OSBPL8: variants seen among roughly 807,000 people sequenced by gnomAD.
OSBPL8 encodes the protein oxysterol binding protein like 8.
OSBPL8 carries 59 observed loss-of-function variants against 125.5 expected under a neutral mutation model. The observed-to-expected ratio is 0.47, with a 90% CI of 0.38 to 0.58. The LOEUF (loss-of-function observed/expected upper bound fraction) is 0.58. Ranked by LOEUF, OSBPL8 falls within the 20% of genes least tolerant of loss-of-function variation. OSBPL8 has a pLI of 0.00. For synonymous variants in OSBPL8, 330 were observed against 338.9 expected (o/e 0.97, Z 0.29); for missense variants, 758 against 1,047.8 (o/e 0.72, Z 3.82).
At position 76,356,034 on chromosome 12, in the gene OSBPL8, G is replaced by A. The variant is rs534410778; in HGVS notation, c.2538-13C>T. The A allele has an allele frequency of 1.2e-6, 2 of 1,600,838 alleles. No individual in the cohort carries two copies. The highest frequency in any genetic ancestry group is 2.7e-5 in the African/African-American group (2 of 74,078). On this transcript the variant is annotated splice_polypyrimidine_tract_variant and intron_variant, in intron 23 of 23. Transcript: ENST00000261183. ...AGCCATAATATTTCTATAAAAATAA[G>A]CAACAACAAATTTTGTAATGATTTG... is the stretch of plus-strand genomic sequence containing the variant.
At chr12:76,419,294 ACC>A (rs1869160883) in intron 4 of OSBPL8, among the ~76,000 whole-genome samples, 1 of 152,206 alleles carries the variant, frequency 6.6e-6, no homozygotes, top group Non-Finnish European at 1.5e-5. Context: ...TTTATAGTGT[ACC>A]TACCTGTTAC....
intron 1 of OSBPL8, among the ~76,000 whole-genome samples, chr12:76,493,700 T>C (rs945034197): frequency 6.6e-6 from 1 of 152,216 alleles, no homozygotes; most frequent in African/African-American, 2.4e-5. Context: ...TTCTTTGGGT[T>C]GAATCTAGTT....
At chr12:76,408,291 C>T (rs1251712617) in intron 5 of OSBPL8, among the ~76,000 whole-genome samples, 1 of 151,336 alleles carries the variant, frequency 6.6e-6, no homozygotes, top group Non-Finnish European at 1.5e-5. Flanking sequence ...GAAACCCTGT[C>T]TCTACTAAAA....
intron 15 of OSBPL8, among the ~76,000 whole-genome samples, chr12:76,382,727 A>T (rs1953115042): frequency 1.3e-5 from 2 of 152,160 alleles, no homozygotes; most frequent in South Asian, 4.1e-4. Context: ...TACTAAAAAT[A>T]CAAAAATCAG....
chr12:76,378,239 T>TA (rs1381604417), intron 16 of OSBPL8, among the ~76,000 whole-genome samples: 1 of 152,070 alleles, frequency 6.6e-6, no homozygotes, highest in Admixed American at 6.5e-5. Context: ...CTGACTAAAG[T>TA]ACACATCACA....
intron 1 of OSBPL8, among the ~76,000 whole-genome samples, chr12:76,488,181 G>T (rs1168809713): frequency 6.6e-6 from 1 of 152,080 alleles, no homozygotes; most frequent in African/African-American, 2.4e-5. Context: ...AATGTTGATG[G>T]CTAGAAGCTT....
chr12:76,547,371 G>A (rs935878395), intron 1 of OSBPL8, among the ~76,000 whole-genome samples: 3 of 151,616 alleles, frequency 2.0e-5, no homozygotes, highest in Non-Finnish European at 4.4e-5. Flanking sequence ...AGGAGTATGG[G>A]AAAAGAAGTA....
rs150188172 is a variant in OSBPL8, at chr12:76,364,244, C to G, written c.2328+4970G>C. Among the ~76,000 whole-genome samples, 1,002 of 152,304 alleles carry G rather than the reference C, an allele frequency of 6.6e-3. 6 individuals carry two copies. Among genetic ancestry groups the G allele is most frequent in the Middle Eastern group, 0.037 (11 of 294 alleles). ...TATTCACAATAGCAAAGACTTGGAA[C>G]CAACCCAAATGCCCATCAGTGATAG... On this transcript the variant is annotated intron_variant, in intron 21 of 23. Transcript: ENST00000261183.
intron 8 of OSBPL8, among the ~76,000 whole-genome samples, chr12:76,395,593 G>C (rs1368657340): frequency 2.0e-5 from 3 of 152,094 alleles, no homozygotes; most frequent in Non-Finnish European, 4.4e-5. Flanking sequence ...TTATGGGCCA[G>C]TTCCTAAAAC....
intron 2 of OSBPL8, among the ~76,000 whole-genome samples, chr12:76,469,040 C>T (rs1875800854): frequency 6.6e-6 from 1 of 152,176 alleles, no homozygotes; most frequent in Non-Finnish European, 1.5e-5. Flanking sequence ...CTGACCACAC[C>T]TCTAGCATTT....
intron 10 of OSBPL8, 127 bp downstream of exon 10, chr12:76,392,454 G>A: frequency 1.3e-6 from 1 of 768,340 alleles, no homozygotes; most frequent in East Asian, 2.7e-5. Context: ...CGGTTCCTAG[G>A]CCATATAATG....
intron 1 of OSBPL8, among the ~76,000 whole-genome samples, chr12:76,513,471 T>C (rs1483246649): frequency 6.6e-6 from 1 of 152,234 alleles, no homozygotes; most frequent in African/African-American, 2.4e-5. Flanking sequence ...GTTCAGGTCC[T>C]GAATATCTTT....
chr12:76,404,541 C>T (rs1954176508), intron 5 of OSBPL8, among the ~76,000 whole-genome samples: 1 of 152,004 alleles, frequency 6.6e-6, no homozygotes, highest in South Asian at 2.1e-4. Context: ...CCACCTTCTC[C>T]GCCTCTTCTG....
At chr12:76,539,471 GATAAAA>G in intron 1 of OSBPL8, among the ~76,000 whole-genome samples, 1 of 151,972 alleles carries the variant, frequency 6.6e-6, no homozygotes, top group Non-Finnish European at 1.5e-5. Context: ...GATAAAAACA[GATAAAA>G]ATAAAAGGAA....
intron 3 of OSBPL8, among the ~76,000 whole-genome samples, chr12:76,454,350 T>C (rs1188574574): frequency 6.6e-6 from 1 of 152,216 alleles, no homozygotes; most frequent in Non-Finnish European, 1.5e-5. Flanking sequence ...TAAAAAGGAA[T>C]GATCTAGTTC....
chr12:76,539,053 G>GC (rs950760156), intron 1 of OSBPL8, among the ~76,000 whole-genome samples: 1 of 138,846 alleles, frequency 7.2e-6, no homozygotes, highest in Non-Finnish European at 1.6e-5. Flanking sequence ...AATAACTGGG[G>GC]GGGGGGAGGG....
intron 2 of OSBPL8, among the ~76,000 whole-genome samples, 170 bp downstream of exon 2, chr12:76,487,340 T>C (rs1878261890): frequency 1.3e-5 from 2 of 152,264 alleles, no homozygotes; most frequent in Admixed American, 6.5e-5. Flanking sequence ...TAGCTATCTG[T>C]AATTTTCATA....
In OSBPL8 at chr12:76,399,938, CTCTTT is replaced by C. The variant is rs1012710551; in HGVS notation, c.398_402del (p.Lys133SerfsTer19). On this transcript the variant is annotated frameshift_variant, in exon 7 of 24. Transcript: ENST00000261183. LOFTEE classifies it high-confidence loss of function. ...ATTGTACTGAGCAGCTCCTTTGTGG[CTCTTT>C]TCTTTTCTTCTCGGTAATTTTTCTT... 5 of 1,606,236 alleles carry C rather than the reference CTCTTT, an allele frequency of 3.1e-6. No homozygotes were observed. The highest frequency in any genetic ancestry group is 1.7e-5 in the Admixed American group (1 of 58,046).
At chr12:76,386,107 C>G in intron 14 of OSBPL8, 61 bp downstream of exon 14, 1 of 1,543,544 alleles carries the variant, frequency 6.5e-7, no homozygotes, top group Non-Finnish European at 8.7e-7. Context: ...TAAATATTTT[C>G]TATAAAAATA....
Sources: allele counts gnomAD v4.1 joint callset (sites outside exome capture counted in the v4.1 genomes callset), GRCh38; gene constraint gnomAD v4.1.1; transcripts MANE v1.5; gene names NCBI Gene and HGNC (gene_info 2026-07-23, HGNC 2026-07-21).